KIF20B: variants seen among roughly 807,000 people sequenced by gnomAD.
The protein encoded by KIF20B is kinesin-like protein KIF20B.
Under a neutral mutation model 232.5 loss-of-function variants are expected in KIF20B, and 188 were observed. The observed-to-expected ratio is 0.81, with a 90% CI of 0.72 to 0.91. The LOEUF is 0.91. Among genes scored for constraint, KIF20B ranks in the 40% least tolerant of loss-of-function variants. The probability of loss-of-function intolerance (pLI) is 0.00; values close to 1 mark genes in which losing one functional copy is unlikely to be tolerated. For synonymous variants in KIF20B, 712 were observed against 683.0 expected (o/e 1.04, Z -0.66); for missense variants, 2,154 against 2,055.9 (o/e 1.05, Z -0.92).
chr10:89,733,148 C>A, intron 19 of KIF20B, 92 bp downstream of exon 19: 2 of 1,303,816 alleles, frequency 1.5e-6, no homozygotes, highest in South Asian at 1.3e-5. Flanking sequence ...ATTCACTTGT[C>A]TAAGGAAAAA....
intron 31 of KIF20B, among the ~76,000 whole-genome samples, chr10:89,769,995 T>C (rs1842434692): frequency 1.3e-5 from 2 of 152,174 alleles, no homozygotes; most frequent in South Asian, 4.1e-4. Context: ...TTCCAAACTT[T>C]GTTGGTTCAC....
At chr10:89,723,880 G>A in intron 13 of KIF20B, 84 bp from the exon 14 acceptor site, 2 of 1,074,344 alleles carry the variant, frequency 1.9e-6, no homozygotes, top group Non-Finnish European at 2.5e-6. Context: ...TAAATGTAAA[G>A]TTTTATTTTT....
intron 18 of KIF20B, among the ~76,000 whole-genome samples, chr10:89,729,654 T>C (rs1368880018): frequency 2.0e-5 from 3 of 152,342 alleles, no homozygotes; most frequent in Admixed American, 1.3e-4. Context: ...AAGCTTGTTT[T>C]TATTATATGT....
chr10:89,726,697 A>G (rs1843194598), intron 16 of KIF20B, among the ~76,000 whole-genome samples, 176 bp downstream of exon 16: 1 of 152,184 alleles, frequency 6.6e-6, no homozygotes, highest in South Asian at 2.1e-4. Context: ...TACTACTAAA[A>G]ATATTTTTTG....
At chr10:89,747,411 A>G (rs1841936350) in intron 23 of KIF20B, among the ~76,000 whole-genome samples, 1 of 152,024 alleles carries the variant, frequency 6.6e-6, no homozygotes, top group African/African-American at 2.4e-5. Context: ...ACTATAAATC[A>G]TGCTGCTATA....
chr10:89,732,757 G>T, intron 18 of KIF20B, 146 bp from the exon 19 acceptor site: 3 of 611,716 alleles, frequency 4.9e-6, no homozygotes, highest in South Asian at 6.5e-5. Context: ...GTTATTTTAG[G>T]ACGAAACTTA....
intron 32 of KIF20B, among the ~76,000 whole-genome samples, chr10:89,773,651 G>A (rs779844877): frequency 7.9e-5 from 12 of 151,854 alleles, no homozygotes; most frequent in Non-Finnish European, 1.2e-4. Context: ...TTGTTGCCAC[G>A]AAAGATCATT....
At chr10:89,766,797 A>G (rs909273968) in intron 29 of KIF20B, among the ~76,000 whole-genome samples, 1 of 152,022 alleles carries the variant, frequency 6.6e-6, no homozygotes, top group African/African-American at 2.4e-5. Flanking sequence ...TCTGCTACAC[A>G]TGTAACACCT....
At chr10:89,727,655 T>C (rs1377811765) in intron 16 of KIF20B, among the ~76,000 whole-genome samples, 1 of 152,192 alleles carries the variant, frequency 6.6e-6, no homozygotes, top group Non-Finnish European at 1.5e-5. Flanking sequence ...TAGAAGTGGC[T>C]TTTTCTGAAA....
rs951755933 is a variant in KIF20B at position 89,774,381 on chromosome 10, T to C, written c.*333T>C. 1 of 163,214 alleles carries C rather than the reference T, an allele frequency of 6.1e-6. No homozygotes were observed. The highest frequency in any genetic ancestry group is 1.3e-5 in the Non-Finnish European group (1 of 75,674). The allele number at this position is 163,214 out of a possible 1,614,324, so 10.1% of individuals were successfully genotyped here. ...TGGTTTACTTATATTTAACAATGTC[T>C]TATGAATTTTTTTTACTTTATCTGT... On this transcript the variant is annotated 3_prime_UTR_variant, in exon 33 of 33. Transcript: ENST00000371728.
chr10:89,714,973 T>C lies in KIF20B; in HGVS notation c.731T>C (p.Leu244Ser), dbSNP rs1218020735. Residue 244 changes from leucine (L) to serine (S), a missense_variant, in exon 8 of 33, where the codon TTG (leucine) becomes TCG (serine). Transcript: ENST00000371728. ...DTLYGSLTNS[L>S]NISEFEESIK... is the part of the protein sequence containing the mutation. ...TTTGTAGGAAGTTTAACTAACTCTT[T>C]GAATATCTCAGAGTTTGAAGAATCC... 2.6e-6 allele frequency: 4 copies of C among 1,565,490 alleles called. No individual in the cohort carries two copies. The highest frequency in any genetic ancestry group is 1.9e-4 in the Middle Eastern group (1 of 5,304).
Position 89,774,103 on chromosome 10 carries a change from C to A in KIF20B, c.*55C>A. ...TTATAGTCATAGTCATTGGAACTTG[C>A]ATCCTGTATTGTAAATATAAATGTA... On this transcript the variant is annotated 3_prime_UTR_variant, in exon 33 of 33. Coordinates refer to ENST00000371728, the MANE Select transcript of KIF20B (RefSeq NM_001284259.2). 1 of 1,066,202 alleles carries A rather than the reference C, an allele frequency of 9.4e-7. No individual in the cohort carries two copies. 66.0% of individuals were successfully genotyped at this position (1,066,202 alleles called of 1,614,324 possible). A position where few individuals can be genotyped will look rare whatever the true frequency, so the allele number is the denominator to read the frequency against.
At chr10:89,766,935 G>A (rs1005998217) in intron 29 of KIF20B, among the ~76,000 whole-genome samples, 3 of 151,150 alleles carry the variant, frequency 2.0e-5, no homozygotes, top group East Asian at 1.9e-4. Context: ...TTTTTTCAAC[G>A]AAGAAGGAAA....
At chr10:89,762,964 A>G (rs1380437636) in intron 29 of KIF20B, 129 bp downstream of exon 29, 1 of 670,836 alleles carries the variant, frequency 1.5e-6, no homozygotes, top group Admixed American at 2.5e-5. Flanking sequence ...ATCACAATTT[A>G]TGCTATATTT....
chr10:89,761,965 G>A (rs1220305922), intron 28 of KIF20B, among the ~76,000 whole-genome samples: 1 of 152,100 alleles, frequency 6.6e-6, no homozygotes, highest in African/African-American at 2.4e-5. Flanking sequence ...ATACTTAACT[G>A]GGCTGAAAGT....
At chr10:89,769,185 TA>T (rs1842420747) in intron 31 of KIF20B, among the ~76,000 whole-genome samples, 1 of 151,934 alleles carries the variant, frequency 6.6e-6, no homozygotes, top group Admixed American at 6.6e-5. Flanking sequence ...CTACTCTGAT[TA>T]GGGGGCTTTG....
chr10:89,733,604 T>G (rs1449473913), intron 19 of KIF20B, among the ~76,000 whole-genome samples: 2 of 152,188 alleles, frequency 1.3e-5, no homozygotes, highest in Non-Finnish European at 2.9e-5. Context: ...AACCTTTGAA[T>G]TTTAGAGGAG....
At chr10:89,730,603 T>C (rs10881647) in intron 18 of KIF20B, among the ~76,000 whole-genome samples, 46,720 of 151,582 alleles carry the variant, frequency 0.31, 8,037 homozygotes, top group African/African-American at 0.46. Flanking sequence ...AGAAGGTACA[T>C]TGGCCTTCCA....
rs1182948308 is a variant in KIF20B at position 89,709,951 on chromosome 10, A to G, written c.376A>G (p.Lys126Glu). The change falls in exon 5 of 33, where the codon AAG becomes GAG. Residue 126 changes from lysine to glutamate, a missense_variant. Transcript: ENST00000371728. ...GGTTTTTGGCCCAGCAACTACACAG[A>G]AGGAATTCTTTCAGGGTTGCATTAT... The part of the protein sequence containing the change: ...SKVFGPATTQ[K>E]EFFQGCIMQP... The G allele has an allele frequency of 2.5e-6, 4 of 1,594,586 alleles. No individual in the cohort carries two copies. In the African/African-American group the frequency reaches 5.4e-5, roughly 22 times the overall value.
Sources: gnomAD v4.1 joint callset for allele counts (sites outside exome capture counted in the v4.1 genomes callset) on GRCh38, gnomAD v4.1.1 for gene constraint, MANE v1.5 for transcripts, NCBI Gene and HGNC (gene_info 2026-07-23, HGNC 2026-07-21) for gene names.